The following DIS3 variants were observed in gnomAD, a reference collection of about 807,000 sequenced individuals.
DIS3 encodes the protein exosome complex exonuclease RRP44.
DIS3 carries 103 observed loss-of-function variants against 113.0 expected under a neutral mutation model. The ratio of observed to expected loss-of-function variants is 0.91; its 90% CI spans 0.78 to 1.07. The LOEUF (loss-of-function observed/expected upper bound fraction) is 1.07, where lower values mean the gene tolerates loss of function less well. DIS3 is among the 50% of genes least tolerant of loss of function. The probability of loss-of-function intolerance (pLI) is 0.00; values close to 1 mark genes in which losing one functional copy is unlikely to be tolerated. For missense variants in DIS3, 1,121 were observed against 1,167.1 expected, an observed-to-expected ratio of 0.96 and a Z score of 0.58; for synonymous variants, 402 against 394.3, an observed-to-expected ratio of 1.02 and a Z score of -0.23.
chr13:72,757,105 T>A lies in DIS3; in HGVS notation c.*2690A>T, dbSNP rs1157067518. 6.6e-6 allele frequency: 1 copy of A among 152,166 alleles called. No homozygotes were observed. Among genetic ancestry groups the A allele is most frequent in the East Asian group, 1.9e-4 (1 of 5,182 alleles). The allele number at this position is 152,166 out of a possible 1,614,324, so 9.4% of individuals were successfully genotyped here. ...TCTCTGATCATCTTGAACTACTCAA[T>A]TGGGACTTATCCCTGAATTAAACCT... On this transcript the variant is annotated 3_prime_UTR_variant, in exon 21 of 21. Transcript: ENST00000377767.
At chr13:72,777,275 A>G in intron 4 of DIS3, 145 bp downstream of exon 4, 1 of 717,574 alleles carries the variant, frequency 1.4e-6, no homozygotes, top group South Asian at 1.8e-5. Context: ...TAAGCCTATG[A>G]CATCCACTCC....
chr13:72,752,518 CATA>C lies in DIS3; in HGVS notation c.*7274_*7276del, dbSNP rs2033304563. On this transcript the variant is annotated 3_prime_UTR_variant, in exon 21 of 21. Coordinates refer to ENST00000377767, the MANE Select transcript of DIS3 (RefSeq NM_014953.5). ...TCTTCCCTCCATATATATCCAGTTACATATTAGTATTGCATTATAAGCCAGCTA... is the reference window on the plus strand; with the variant it reads ...TCTTCCCTCCATATATATCCAGTTACTTAGTATTGCATTATAAGCCAGCTA... The C allele has an allele frequency of 6.6e-6, 1 of 152,174 alleles. No homozygotes were observed. Among genetic ancestry groups the C allele is most frequent in the South Asian group, 2.1e-4 (1 of 4,832 alleles). The allele number at this position is 152,174 out of a possible 1,614,324, so 9.4% of individuals were successfully genotyped here. A position where few individuals can be genotyped will look rare whatever the true frequency, so the allele number is the denominator to read the frequency against.
In DIS3 at chr13:72,761,772, A is replaced by G. The variant is rs760848111; in HGVS notation, c.2385T>C (p.Ile795=). The change falls in exon 18 of 21, where the codon ATT becomes ATC. Residue 795 remains isoleucine (I), a synonymous_variant. Coordinates refer to ENST00000377767, the MANE Select transcript of DIS3 (RefSeq NM_014953.5). ...VIVHRLLAVA[I]GADCTYPELT... ...ACTCTGGATAAGTACAGTCAGCCCC[A>G]ATAGCCACAGCCAAAAGCCGATGAA... 3 of 1,613,486 alleles carry G rather than the reference A, an allele frequency of 1.9e-6. No individual in the cohort carries two copies. The highest frequency in any genetic ancestry group is 3.3e-5 in the Admixed American group (2 of 59,834).
chr13:72,767,967 T>C (rs1490278821), intron 14 of DIS3, among the ~76,000 whole-genome samples: 2 of 152,188 alleles, frequency 1.3e-5, no homozygotes, highest in African/African-American at 4.8e-5. Flanking sequence ...GAGTTAATAC[T>C]CTATACCTTA....
chr13:72,768,796 C>A lies in DIS3; in HGVS notation c.1872G>T (p.Arg624Ser). ...NKLAKILKKR[R>S]IEKGALTLSS... ...AAAACAAAATATACCCTTTTTCAAT[C>A]CTTCTTTTCTTCAGAATTTTGGCTA... The change falls in exon 14 of 21, where the codon AGG becomes AGT. Residue 624 changes from arginine (R) to serine (S), a missense_variant. By Grantham distance (110) the Arg-to-Ser change is moderately radical (BLOSUM62 -1). Transcript: ENST00000377767. The A allele has an allele frequency of 6.3e-7, 1 of 1,596,172 alleles. No homozygotes were observed. Among genetic ancestry groups the A allele is most frequent in the South Asian group, 1.1e-5 (1 of 87,750 alleles).
chr13:72,762,216 T>C (rs1265315226), intron 16 of DIS3, 79 bp from the exon 17 acceptor site: 1 of 1,225,110 alleles, frequency 8.2e-7, no homozygotes, highest in African/African-American at 1.5e-5. Context: ...ATATAACTGA[T>C]CTGACTGAAC....
At chr13:72,763,652 G>A in intron 15 of DIS3, 45 bp from the exon 16 acceptor site, 1 of 1,561,354 alleles carries the variant, frequency 6.4e-7, no homozygotes, top group Non-Finnish European at 8.7e-7. Context: ...GAGAATCTGA[G>A]ACTTCTATAT....
rs758367202 is a variant in DIS3, at chr13:72,781,610, G to A, written c.223C>T (p.His75Tyr). Residue 75 changes from histidine to tyrosine, a missense_variant, in exon 1 of 21, where the codon CAC becomes TAC. Physicochemically the swap from His to Tyr is moderately conservative, Grantham distance 83. Coordinates refer to ENST00000377767, the MANE Select transcript of DIS3 (RefSeq NM_014953.5). Reference sequence around the variant, plus strand: ...CGGTTCGCCCGCCCACGCACCTGGTGCAGTAACACATTAGTGTCGGGCAGC... The same window carrying A: ...CGGTTCGCCCGCCCACGCACCTGGTACAGTAACACATTAGTGTCGGGCAGC... ...YLLPDTNVLL[H>Y]QIDVLEDPAI... 31 of 1,519,220 alleles carry A rather than the reference G, an allele frequency of 2.0e-5. No individual in the cohort carries two copies. The South Asian group carries it at 2.5e-4, about 12-fold the overall frequency. The allele number at this position is 1,519,220 out of a possible 1,614,324, so 94.1% of individuals were successfully genotyped here.
chr13:72,767,532 T>G (rs572204294), intron 14 of DIS3, among the ~76,000 whole-genome samples: 208 of 152,292 alleles, frequency 1.4e-3, no homozygotes, highest in Middle Eastern at 3.4e-3. Flanking sequence ...AAGTTTCATA[T>G]TTAAGATCAC....
Position 72,759,644 on chromosome 13 carries a change from G to A in DIS3, c.*151C>T. 2 of 610,562 alleles carry A rather than the reference G, an allele frequency of 3.3e-6. No individual in the cohort carries two copies. Among genetic ancestry groups the A allele is most frequent in the Non-Finnish European group, 5.7e-6 (2 of 350,506 alleles). 37.8% of individuals were successfully genotyped at this position (610,562 alleles called of 1,614,324 possible). On this transcript the variant is annotated 3_prime_UTR_variant, in exon 21 of 21. Transcript: ENST00000377767. Reference sequence around the variant, plus strand: ...ATAGTAGTATGATGGGTCAGATACAGTCAACTGTTCAATAAAAATGCAGAT... The same window carrying A: ...ATAGTAGTATGATGGGTCAGATACAATCAACTGTTCAATAAAAATGCAGAT...
Position 72,766,042 on chromosome 13 carries a change from A to T in DIS3, c.1900T>A (p.Ser634Thr), listed in dbSNP as rs975522631. The T allele has an allele frequency of 6.2e-6, 10 of 1,610,814 alleles. No homozygotes were observed. Among genetic ancestry groups the T allele is most frequent in the Non-Finnish European group, 8.5e-6 (10 of 1,178,386 alleles). Residue 634 changes from serine to threonine, a missense_variant, in exon 15 of 21, where the codon TCT becomes ACT. Around this residue, in one of 3 missense-constraint regions of DIS3, gnomAD observed 861 missense variants for 915.5 expected, o/e 0.94. Transcript: ENST00000377767. ...RIEKGALTLS[S>T]PEVRFHMDSE... The stretch of plus-strand genomic sequence containing the variant: ...TCCATGTGGAATCGAACTTCAGGAG[A>T]GGATAGAGTCAAAGCCCTACATAAA...
At chr13:72,770,440 T>C (rs573951316) in intron 13 of DIS3, among the ~76,000 whole-genome samples, 4 of 152,278 alleles carry the variant, frequency 2.6e-5, no homozygotes, top group African/African-American at 9.6e-5. Flanking sequence ...AAAGAGCATC[T>C]AGCTTGACTG....
In DIS3 at chr13:72,773,771, G is replaced by A. The variant is rs752292626; in HGVS notation, c.1152C>T (p.Arg384=). ...TPADKRIPRI[R]IETRQASTLE... ...ATGTGGAAGCCTGTCTGGTTTCTAT[G>A]CGAATTCGAGGGATTCTCTTATCAG... is the stretch of plus-strand genomic sequence containing the variant. Residue 384 remains arginine (R), a synonymous_variant, in exon 8 of 21, where the codon CGC becomes CGT. Transcript: ENST00000377767. 2 of 1,613,984 alleles carry A rather than the reference G, an allele frequency of 1.2e-6. No individual in the cohort carries two copies. The highest frequency in any genetic ancestry group is 1.7e-6 in the Non-Finnish European group (2 of 1,179,968).
chr13:72,759,768 G>A lies in DIS3; in HGVS notation c.*27C>T, dbSNP rs1028397816. On this transcript the variant is annotated 3_prime_UTR_variant, in exon 21 of 21. Transcript: ENST00000377767. ...GTTTTTTCTTTTAAAAAAGAAACCA[G>A]TCTTTGAAGATTTTTGTTGAATATA... 4 of 1,584,448 alleles carry A rather than the reference G, an allele frequency of 2.5e-6. No individual in the cohort carries two copies. The African/African-American group carries it at 4.1e-5, about 16-fold the overall frequency.
At chr13:72,763,815 C>G (rs1003652350) in intron 15 of DIS3, among the ~76,000 whole-genome samples, 1 of 152,132 alleles carries the variant, frequency 6.6e-6, no homozygotes, top group African/African-American at 2.4e-5. Context: ...TATTATGCAA[C>G]TACTGCATGA....
intron 16 of DIS3, among the ~76,000 whole-genome samples, chr13:72,763,247 G>A (rs1375962304): frequency 6.6e-6 from 1 of 152,064 alleles, no homozygotes; most frequent in East Asian, 1.9e-4. Context: ...GGAGGGTGCA[G>A]TGAGCCGAGA....
chr13:72,775,561 G>A (rs2033993665), intron 5 of DIS3, among the ~76,000 whole-genome samples, 186 bp from the exon 6 acceptor site: 1 of 151,984 alleles, frequency 6.6e-6, no homozygotes, highest in Non-Finnish European at 1.5e-5. Flanking sequence ...ATACCAGGTA[G>A]AAAAAATGTA....
At chr13:72,773,911 A>C (rs748663006) in intron 7 of DIS3, 35 bp downstream of exon 7, 1 of 1,586,810 alleles carries the variant, frequency 6.3e-7, no homozygotes, top group South Asian at 1.2e-5. Flanking sequence ...AATGTTTATC[A>C]TTTTTTTATT....
In DIS3 at chr13:72,774,246, TTCTC is replaced by T. The variant is rs143345373; in HGVS notation, c.988-191_988-188del. The stretch of plus-strand genomic sequence containing the variant: ...TGCATGCCAAACCAAACCACAGACA[TTCTC>T]TCTTGATAATAAAGTACTACAAAAC... On this transcript the variant is annotated intron_variant, in intron 6 of 20. Transcript: ENST00000377767. 6.8e-3 allele frequency among the ~76,000 whole-genome samples: 1,042 copies of T among 152,142 alleles called. 14 individuals are homozygous for T. The highest frequency in any genetic ancestry group is 0.024 in the African/African-American group (1,006 of 41,526).
Sources: gnomAD v4.1 joint callset for allele counts (sites outside exome capture counted in the v4.1 genomes callset) on GRCh38, gnomAD v4.1.1 for gene constraint, gnomAD v4.1.1 regional missense constraint, MANE v1.5 for transcripts, NCBI Gene and HGNC (gene_info 2026-07-23, HGNC 2026-07-21) for gene names.